Variants in SUCLG2 observed in about 807,000 individuals in gnomAD.
The protein encoded by SUCLG2 is succinate--CoA ligase [GDP-forming] subunit beta, mitochondrial.
In SUCLG2, 42 loss-of-function variants were observed where a neutral mutation model predicts 47.9. That is an observed-to-expected ratio of 0.88 (90% CI 0.69 to 1.14). SUCLG2 has a LOEUF of 1.14. Ranked by LOEUF, SUCLG2 falls within the 50% of genes most tolerant of loss-of-function variation. The probability of loss-of-function intolerance (pLI) is 0.00; values close to 1 mark genes in which losing one functional copy is unlikely to be tolerated. For synonymous variants in SUCLG2, 195 were observed against 197.3 expected, an observed-to-expected ratio of 0.99 and a Z score of 0.10; for missense variants, 571 against 525.9, an observed-to-expected ratio of 1.09 and a Z score of -0.84.
chr3:67,369,820 T>C (rs1701927922), downstream of SUCLG2, among the ~76,000 whole-genome samples: 1 of 152,184 alleles, frequency 6.6e-6, no homozygotes, highest in Admixed American at 6.5e-5. Context: ...GTTTCACCTG[T>C]TCCTACCCAG....
Position 67,495,907 on chromosome 3 carries a change from T to A in SUCLG2, c.953A>T (p.Asp318Val). 6.2e-7 allele frequency: 1 copy of A among 1,613,948 alleles called. No individual in the cohort carries two copies. The highest frequency in any genetic ancestry group is 2.2e-5 in the East Asian group (1 of 44,850). Residue 318 changes from aspartate to valine, a missense_variant, in exon 9 of 11, where the codon GAT becomes GTT. Transcript: ENST00000307227. ...CTTCCCACCATTAAGGAAAATGATA[T>A]CACAAGTAGCCATGGCGAGCCCAGC... The part of the protein sequence containing the change: ...NGAGLAMATC[D>V]IIFLNGGKPA...
Position 67,654,583 on chromosome 3 carries a change from C to T in SUCLG2, c.4G>A (p.Ala2Thr). ...CCGGCCTGCGCTGCTACGGGGGACG[C>T]CATCTTAAACAGGAAACTCGGCACG... The part of the protein sequence containing the change: M[A>T]SPVAAQAGKL... The change falls in exon 1 of 11, where the codon GCG (alanine) becomes ACG (threonine). Residue 2 changes from alanine to threonine, a missense_variant. Coordinates refer to ENST00000307227, the MANE Select transcript of SUCLG2 (RefSeq NM_003848.4). 1 of 1,274,016 alleles carries T rather than the reference C, an allele frequency of 7.8e-7. No homozygotes were observed. The highest frequency in any genetic ancestry group is 2.9e-5 in the East Asian group (1 of 34,218). 78.9% of individuals were successfully genotyped at this position (1,274,016 alleles called of 1,614,324 possible).
At chr3:67,605,100 T>C (rs562744101) in intron 2 of SUCLG2, among the ~76,000 whole-genome samples, 5 of 152,226 alleles carry the variant, frequency 3.3e-5, no homozygotes, top group Non-Finnish European at 7.4e-5. Flanking sequence ...ATATAGAACT[T>C]TCTCAGTGTT....
At chr3:67,583,582 G>A (rs1707935063) in intron 2 of SUCLG2, among the ~76,000 whole-genome samples, 1 of 152,156 alleles carries the variant, frequency 6.6e-6, no homozygotes, top group Non-Finnish European at 1.5e-5. Context: ...CAGAAGTCTG[G>A]CAGGATGTAA....
chr3:67,387,158 T>A (rs1359381303), intron 10 of SUCLG2, among the ~76,000 whole-genome samples: 1 of 152,320 alleles, frequency 6.6e-6, no homozygotes, highest in East Asian at 1.9e-4. Flanking sequence ...CATTAAAACA[T>A]ACTGATGAAT....
chr3:67,560,918 T>A (rs1441997666), intron 2 of SUCLG2, among the ~76,000 whole-genome samples: 7 of 150,868 alleles, frequency 4.6e-5, no homozygotes, highest in African/African-American at 2.4e-5. Flanking sequence ...CCCTCCCAAC[T>A]CCATTTTTTT....
intron 8 of SUCLG2, among the ~76,000 whole-genome samples, chr3:67,497,161 A>G (rs1050942642): frequency 6.6e-6 from 1 of 152,214 alleles, no homozygotes; most frequent in African/African-American, 2.4e-5. Context: ...CTCCAATACA[A>G]AGCAAGAGCT....
intron 2 of SUCLG2, among the ~76,000 whole-genome samples, chr3:67,535,180 C>T (rs1467596694): frequency 6.6e-6 from 1 of 151,252 alleles, no homozygotes; most frequent in South Asian, 2.1e-4. Flanking sequence ...TCATGTCTCC[C>T]CCTGATTTTC....
intron 9 of SUCLG2, among the ~76,000 whole-genome samples, chr3:67,473,545 C>T (rs948415446): frequency 2.6e-5 from 4 of 152,132 alleles, no homozygotes; most frequent in African/African-American, 9.7e-5. Context: ...TCTGTACCAA[C>T]CTCCCAGGCA....
At chr3:67,610,440 C>T (rs1700507624) in intron 1 of SUCLG2, among the ~76,000 whole-genome samples, 1 of 151,780 alleles carries the variant, frequency 6.6e-6, no homozygotes, top group Non-Finnish European at 1.5e-5. Flanking sequence ...AAATAAATTC[C>T]TTACATTTTA....
chr3:67,392,874 T>G (rs66698903), intron 10 of SUCLG2, among the ~76,000 whole-genome samples: 44,676 of 151,492 alleles, frequency 0.29, 7,203 homozygotes, highest in African/African-American at 0.42. Context: ...GAGAATATTG[T>G]CATGATCATA....
At chr3:67,529,001 C>T in intron 3 of SUCLG2, 86 bp downstream of exon 3, 6 of 1,208,772 alleles carry the variant, frequency 5.0e-6, no homozygotes, top group Non-Finnish European at 7.1e-6. Context: ...CCCACCACAA[C>T]CAACCTCAGT....
At chr3:67,597,912 T>G (rs1442498922) in intron 2 of SUCLG2, among the ~76,000 whole-genome samples, 1 of 151,862 alleles carries the variant, frequency 6.6e-6, no homozygotes, top group East Asian at 2.0e-4. Context: ...CATTCCAGCC[T>G]GGGCAACAGA....
chr3:67,640,648 A>T (rs557094553), intron 1 of SUCLG2, among the ~76,000 whole-genome samples: 2 of 147,828 alleles, frequency 1.4e-5, no homozygotes, highest in South Asian at 4.1e-4. Context: ...AATTTTCACC[A>T]CTATTTGCCT....
chr3:67,589,773 G>A (rs1483037311), intron 2 of SUCLG2, among the ~76,000 whole-genome samples: 4 of 152,194 alleles, frequency 2.6e-5, no homozygotes, highest in Non-Finnish European at 5.9e-5. Context: ...ACCTCACAAC[G>A]CACAGTGAAG....
intron 9 of SUCLG2, among the ~76,000 whole-genome samples, chr3:67,472,181 G>A (rs1704621708): frequency 1.3e-5 from 2 of 152,302 alleles, no homozygotes; most frequent in South Asian, 2.1e-4. Context: ...ACTCTAATTT[G>A]AGGCATTGTT....
intron 9 of SUCLG2, among the ~76,000 whole-genome samples, chr3:67,425,036 C>T (rs1703263106): frequency 6.6e-6 from 1 of 151,958 alleles, no homozygotes; most frequent in Non-Finnish European, 1.5e-5. Context: ...CCCCTTCCCC[C>T]ACACCTTTAG....
chr3:67,500,553 T>C (rs1278899945), intron 7 of SUCLG2, among the ~76,000 whole-genome samples: 2 of 152,178 alleles, frequency 1.3e-5, no homozygotes, highest in South Asian at 2.1e-4. Context: ...ATTGACAGAA[T>C]CCTACAATTA....
At chr3:67,437,982 A>C (rs989821586) in intron 9 of SUCLG2, among the ~76,000 whole-genome samples, 14 of 152,148 alleles carry the variant, frequency 9.2e-5, no homozygotes, top group African/African-American at 3.4e-4. Context: ...TCTAGTGAAA[A>C]GAATACATAT....
Sources: allele counts gnomAD v4.1 joint callset (sites outside exome capture counted in the v4.1 genomes callset), GRCh38; gene constraint gnomAD v4.1.1; transcripts MANE v1.5; gene names NCBI Gene and HGNC (gene_info 2026-07-23, HGNC 2026-07-21).